The following RBM3 variants were observed in gnomAD, a reference collection of about 807,000 sequenced individuals.
RBM3 encodes RNA binding motif protein 3, also known as RNA-binding protein 3.
In RBM3, 3 loss-of-function variants were observed where a neutral mutation model predicts 12.0. The observed-to-expected ratio is 0.25, with a 90% CI of 0.11 to 0.65. RBM3 has a LOEUF of 0.65. RBM3 is among the 30% of genes least tolerant of loss of function. The pLI is 0.84. For synonymous variants in RBM3, 58 were observed against 45.7 expected (o/e 1.27, Z -1.08); for missense variants, 108 against 134.5 (o/e 0.80, Z 0.97).
chrX:48,581,118 G>A lies in RBM3; in HGVS notation c.*3677G>A, dbSNP rs1259830261. 1 of 109,993 alleles carries A rather than the reference G, an allele frequency of 9.1e-6. No individual in the cohort carries two copies. The highest frequency in any genetic ancestry group is 3.3e-5 in the African/African-American group (1 of 30,110). The allele number at this position is 109,993 out of a possible 1,213,427, so 9.1% of individuals were successfully genotyped here. A position where few individuals can be genotyped will look rare whatever the true frequency, so the allele number is the denominator to read the frequency against. ...GGTCTTTTCTAAATTGTTAAAAGCA[G>A]TTCATGCCATTATTCTTAATAAACA... On this transcript the variant is annotated 3_prime_UTR_variant, in exon 7 of 7. Coordinates refer to ENST00000376759, the MANE Select transcript of RBM3 (RefSeq NM_006743.5).
In RBM3 at chrX:48,576,217, TTTTTGGCCTC is replaced by T. The variant is rs1321098274; in HGVS notation, c.211-91_211-82del. 6 of 1,165,544 alleles carry T rather than the reference TTTTTGGCCTC, an allele frequency of 5.1e-6. No individual in the cohort carries two copies. The East Asian group carries it at 1.6e-4, about 32-fold the overall frequency. On this transcript the variant is annotated intron_variant, in intron 3 of 6. Transcript: ENST00000376759. ...CCCAGAACCTGGTGCCCAGCAGGAA[TTTTTGGCCTC>T]TTTTGCCCACTTACCCTTGCCTGCT...
intron 3 of RBM3, chrX:48,575,946 G>A: frequency 1.7e-6 from 1 of 581,488 alleles, no homozygotes; most frequent in East Asian, 3.6e-5. Flanking sequence ...AGACCTGTGG[G>A]CCTGGCCCGG....
chrX:48,576,976 A>G (rs1556989440), intron 5 of RBM3, 50 bp from the exon 6 acceptor site: 3 of 1,170,453 alleles, frequency 2.6e-6, no homozygotes, highest in African/African-American at 1.8e-5. Flanking sequence ...TTACAGTGGT[A>G]TATATAATGC....
At chrX:48,575,499 T>G in intron 2 of RBM3, 62 bp from the exon 3 acceptor site, 2 of 1,040,035 alleles carry the variant, frequency 1.9e-6, no homozygotes, top group Non-Finnish European at 1.3e-6. Flanking sequence ...GGCCACCCTT[T>G]GCTACTTAAC....
chrX:48,576,933 T>TA (rs1406634721), intron 5 of RBM3, 93 bp from the exon 6 acceptor site: 1 of 1,051,622 alleles, frequency 9.5e-7, no homozygotes, highest in Non-Finnish European at 1.3e-6. Context: ...AGGTTTATGT[T>TA]ATGACCCATA....
Position 48,577,625 on chromosome X carries a change from CTT to C in RBM3, c.*192_*193del, listed in dbSNP as rs1305083836. On this transcript the variant is annotated 3_prime_UTR_variant, in exon 7 of 7. Transcript: ENST00000376759. ...CTGAAGACCTTTTAGACAGTTCCAT[CTT>C]TTTTTTTAAATTTTTTCTGCCTATT... 4 of 381,721 alleles carry C rather than the reference CTT, an allele frequency of 1.0e-5. No individual in the cohort carries two copies. The African/African-American group carries it at 1.1e-4, about 11-fold the overall frequency. The allele number at this position is 381,721 out of a possible 1,213,427, so 31.5% of individuals were successfully genotyped here.
intron 2 of RBM3, 130 bp downstream of exon 2, chrX:48,575,413 G>A: frequency 1.3e-6 from 1 of 799,804 alleles, no homozygotes; most frequent in Non-Finnish European, 1.8e-6. Context: ...CTATGGTGTA[G>A]ACTAAGGATG....
At position 48,580,240 on chromosome X, in the gene RBM3, A is replaced by G. The variant is rs1556990185; in HGVS notation, c.*2799A>G. Among the ~76,000 whole-genome samples, 2 of 111,869 alleles carry G rather than the reference A, an allele frequency of 1.8e-5. No homozygotes were observed. Among genetic ancestry groups the G allele is most frequent in the Non-Finnish European group, 3.8e-5 (2 of 53,166 alleles). ...TTAAGAGATTGGCTTTTGGTTTTCA[A>G]TTAGGCTTTCAAGTCCTAAGCCCAA... On this transcript the variant is annotated 3_prime_UTR_variant, in exon 7 of 7. Coordinates refer to ENST00000376759, the MANE Select transcript of RBM3 (RefSeq NM_006743.5).
In RBM3 at chrX:48,577,273, T is replaced by C. The variant is rs1337031665; in HGVS notation, c.*23+164T>C. On this transcript the variant is annotated intron_variant, in intron 6 of 6. Coordinates refer to ENST00000376759, the MANE Select transcript of RBM3 (RefSeq NM_006743.5). ...GGCCTTCCTTGCTCTCAGGTGCATA[T>C]CAGAGCAAGTTTGCTAGGGGGTGGG... The C allele has an allele frequency of 1.7e-5, 18 of 1,086,451 alleles. 1 individual carries two copies. In the East Asian group the frequency reaches 5.3e-4, roughly 32 times the overall value. 89.5% of individuals were successfully genotyped at this position (1,086,451 alleles called of 1,213,427 possible).
In RBM3 at chrX:48,580,283, A is replaced by C. The variant is rs1287015424; in HGVS notation, c.*2842A>C. On this transcript the variant is annotated 3_prime_UTR_variant, in exon 7 of 7. Transcript: ENST00000376759. ...AAGCCCAACCCCTCCTATCCCACCT[A>C]GGCAGAAATCACTTCAGATCCTTGC... Among the ~76,000 whole-genome samples the C allele has an allele frequency of 1.8e-5, 2 of 111,923 alleles. No individual in the cohort carries two copies. Among genetic ancestry groups the C allele is most frequent in the African/African-American group, 3.2e-5 (1 of 30,824 alleles).
At chrX:48,576,024 C>G (rs1256360254) in intron 3 of RBM3, 9 of 982,926 alleles carry the variant, frequency 9.2e-6, no homozygotes, top group Non-Finnish European at 1.2e-5. Flanking sequence ...CTGTCTAGCC[C>G]TGATAGTCGG....
At chrX:48,574,972 ATGG>A (rs2062073601) in intron 1 of RBM3, 193 bp from the exon 2 acceptor site, 1 of 453,857 alleles carries the variant, frequency 2.2e-6, no homozygotes, top group African/African-American at 2.4e-5. Context: ...TGGCCCCCTA[ATGG>A]TGGCTGCGCT....
rs2062095001 is a variant in RBM3, at chrX:48,579,676, G to A, written c.*2235G>A. 1 of 111,897 alleles carries A rather than the reference G, an allele frequency of 8.9e-6. No homozygotes were observed. Among genetic ancestry groups the A allele is most frequent in the Non-Finnish European group, 1.9e-5 (1 of 53,261 alleles). The allele number at this position is 111,897 out of a possible 1,213,427, so 9.2% of individuals were successfully genotyped here. On this transcript the variant is annotated 3_prime_UTR_variant, in exon 7 of 7. Transcript: ENST00000376759. ...GGGTCCTCTGCTCCCTGTCTCTCAG[G>A]ATGGCAATGTACCTCTCACCCCCAG...
At position 48,576,574 on chromosome X, in the gene RBM3, G is replaced by A; in HGVS notation, c.383G>A (p.Gly128Glu). The A allele has an allele frequency of 8.5e-7, 1 of 1,179,545 alleles. No homozygotes were observed. Among genetic ancestry groups the A allele is most frequent in the Non-Finnish European group, 1.1e-6 (1 of 878,858 alleles). ...YDSRPGGYGYGYGRSRDYNGR... is the reference protein window; with the variant it reads ...YDSRPGGYGYEYGRSRDYNGR... Reference sequence around the variant, plus strand: ...AGTCGACCTGGAGGGTATGGATATGGATATGGACGTTCCAGAGACTATAAT... The same window carrying A: ...AGTCGACCTGGAGGGTATGGATATGAATATGGACGTTCCAGAGACTATAAT... Residue 128 changes from glycine (G) to glutamate (E), a missense_variant, in exon 5 of 7, where the codon GGA becomes GAA. Gly to Glu is a moderately conservative substitution (Grantham distance 98, BLOSUM62 -2). This residue lies in a region of RBM3 where 65 missense variants were observed against 54.9 expected (regional missense o/e 1.18). Transcript: ENST00000376759.
In RBM3 at chrX:48,576,501, G is replaced by T. The variant is rs782685301; in HGVS notation, c.317-7G>T. 1 of 1,192,833 alleles carries T rather than the reference G, an allele frequency of 8.4e-7. No individual in the cohort carries two copies. Among genetic ancestry groups the T allele is most frequent in the Non-Finnish European group, 1.1e-6 (1 of 885,790 alleles). On this transcript the variant is annotated splice_polypyrimidine_tract_variant and splice_region_variant and intron_variant, in intron 4 of 6. Transcript: ENST00000376759. ...ACAACTGCCATTTAAATATTTTTCT[G>T]CTCTAGGTGGTGGGGACCAGGGCTA...
At chrX:48,576,285 C>CCCAT in intron 3 of RBM3, 29 bp from the exon 4 acceptor site, 5 of 1,199,095 alleles carry the variant, frequency 4.2e-6, no homozygotes, top group Non-Finnish European at 5.6e-6. Flanking sequence ...TGACTGCCAA[C>CCCAT]CCATCATCCT....
Position 48,574,495 on chromosome X carries a change from T to G in RBM3, c.-92T>G, listed in dbSNP as rs188892814. The G allele has an allele frequency of 2.1e-5, 7 of 328,805 alleles. No individual in the cohort carries two copies. Among genetic ancestry groups the G allele is most frequent in the East Asian group, 1.9e-4 (2 of 10,426 alleles). 27.1% of individuals were successfully genotyped at this position (328,805 alleles called of 1,213,427 possible). On this transcript the variant is annotated 5_prime_UTR_variant, in exon 1 of 7. Coordinates refer to ENST00000376759, the MANE Select transcript of RBM3 (RefSeq NM_006743.5). Reference sequence around the variant, plus strand: ...GCTACGTACTCTTTATCAATCGTCTTCCGGCGCAGCCCCGTCCCTGTTTTT... The same window carrying G: ...GCTACGTACTCTTTATCAATCGTCTGCCGGCGCAGCCCCGTCCCTGTTTTT...
chrX:48,575,430 A>G, intron 2 of RBM3, 131 bp from the exon 3 acceptor site: 1 of 785,058 alleles, frequency 1.3e-6, no homozygotes, highest in Non-Finnish European at 1.9e-6. Context: ...GATGAGGGGA[A>G]GCGTCTTTGG....
rs782170726 is a variant in RBM3 at position 48,576,225 on chromosome X, C to T, written c.211-89C>T. On this transcript the variant is annotated intron_variant, in intron 3 of 6. Coordinates refer to ENST00000376759, the MANE Select transcript of RBM3 (RefSeq NM_006743.5). ...CTGGTGCCCAGCAGGAATTTTTGGC[C>T]TCTTTTGCCCACTTACCCTTGCCTG... 4.3e-6 allele frequency: 5 copies of T among 1,165,743 alleles called. No individual in the cohort carries two copies. The Admixed American group carries it at 1.3e-4, about 30-fold the overall frequency.
Sources: allele counts gnomAD v4.1 joint callset (sites outside exome capture counted in the v4.1 genomes callset), GRCh38; gene constraint gnomAD v4.1.1; regional missense constraint gnomAD v4.1.1; transcripts MANE v1.5; gene names NCBI Gene and HGNC (gene_info 2026-07-23, HGNC 2026-07-21).